The following FAM153A variants were observed in gnomAD, a reference collection of about 807,000 sequenced individuals.
FAM153A encodes the protein protein FAM153A.
FAM153A carries 12 observed loss-of-function variants against 48.1 expected under a neutral mutation model. That is an observed-to-expected ratio of 0.25 (90% CI 0.16 to 0.40). FAM153A has a LOEUF of 0.40. Among genes scored for constraint, FAM153A ranks in the 10% least tolerant of loss-of-function variants. The pLI, the probability that FAM153A is intolerant of heterozygous loss-of-function variation, is 1.00. For missense variants in FAM153A, 111 were observed against 345.8 expected (o/e 0.32, Z 5.38); for synonymous variants, 36 against 118.2 (o/e 0.30, Z 4.51).
At chr5:177,711,626 C>G (rs529096901) in exon 27 of FAM153A, 1 of 151,986 alleles carries the variant, frequency 6.6e-6, no homozygotes, top group African/African-American at 2.4e-5. Flanking sequence ...TGATGTCTTA[C>G]AATTTAAATT....
At chr5:177,738,868 C>T (rs990748123) in intron 10 of FAM153A, among the ~76,000 whole-genome samples, 6 of 151,582 alleles carry the variant, frequency 4.0e-5, no homozygotes, top group Non-Finnish European at 8.8e-5. Flanking sequence ...CATAGACTCT[C>T]TTCTTATACC....
chr5:177,754,859 A>G (rs1371766334), upstream of FAM153A, among the ~76,000 whole-genome samples: 1 of 151,856 alleles, frequency 6.6e-6, no homozygotes, highest in East Asian at 1.9e-4. Flanking sequence ...ATCAAAGACC[A>G]AGGGCAGATA....
intron 17 of FAM153A, 66 bp downstream of exon 19, chr5:177,729,419 T>C: frequency 6.5e-7 from 1 of 1,542,340 alleles, no homozygotes; most frequent in Non-Finnish European, 8.8e-7. Flanking sequence ...TACATCTTAA[T>C]TCAATTGAAA....
At chr5:177,710,826 T>C (rs1758359948), downstream of FAM153A, among the ~76,000 whole-genome samples, 1 of 147,468 alleles carries the variant, frequency 6.8e-6, no homozygotes, top group South Asian at 2.2e-4. Flanking sequence ...TGGCTAACTT[T>C]TTGTATTTTC....
At chr5:177,778,261 T>TAAAAAAAAAAAAAAAA (rs774084490) in intron 1 of FAM153A, among the ~76,000 whole-genome samples, 1 of 20,040 alleles carries the variant, frequency 5.0e-5, no homozygotes, top group Non-Finnish European at 7.5e-5. Flanking sequence ...TAGAGTATAA[T>TAAAAAAAAAAAAAAAA]AAAAAAAAAA....
chr5:177,700,505 T>A, the FAM153A span, among the ~76,000 whole-genome samples: 3 of 151,784 alleles, frequency 2.0e-5, no homozygotes, highest in Admixed American at 2.0e-4. Flanking sequence ...AGGACCAAAA[T>A]ACAAAACTCA....
chr5:177,728,992 C>G, intron 18 of FAM153A, 31 bp downstream of exon 20: 2 of 563,362 alleles, frequency 3.6e-6, no homozygotes, highest in Non-Finnish European at 6.2e-6. Context: ...GATTTCACAC[C>G]TAAACAAAGA....
At chr5:177,755,422 T>C (rs1767626295), upstream of FAM153A, among the ~76,000 whole-genome samples, 2 of 151,932 alleles carry the variant, frequency 1.3e-5, no homozygotes, top group South Asian at 4.2e-4. Context: ...CAGGATATTA[T>C]CCAGGAGAAC....
At chr5:177,704,500 G>A (rs1757702232), downstream of FAM153A, among the ~76,000 whole-genome samples, 1 of 96,140 alleles carries the variant, frequency 1.0e-5, no homozygotes, top group Non-Finnish European at 2.0e-5. Context: ...CATGGTGGGG[G>A]GTGATTGGAC....
chr5:177,716,358 C>T (rs1300811365), exon 25 of FAM153A: 4 of 151,814 alleles, frequency 2.6e-5, no homozygotes, highest in Non-Finnish European at 4.4e-5. Flanking sequence ...TGAAGAATTC[C>T]AATCTTCAAA....
intron 26 of FAM153A, among the ~76,000 whole-genome samples, chr5:177,713,425 T>G (rs1758873758): frequency 6.6e-6 from 1 of 151,396 alleles, no homozygotes. Context: ...TAATTTTTTT[T>G]TTTTTGTATT....
At chr5:177,697,754 A>G in the FAM153A span, among the ~76,000 whole-genome samples, 1 of 151,670 alleles carries the variant, frequency 6.6e-6, no homozygotes. Flanking sequence ...AAATTTATAG[A>G]ATGTACCTTC....
intron 1 of FAM153A, among the ~76,000 whole-genome samples, chr5:177,759,981 C>A (rs1372198639): frequency 1.1e-4 from 15 of 141,754 alleles, no homozygotes; most frequent in African/African-American, 3.1e-4. Context: ...TAAAAAAAAA[C>A]AAAAAAAACT....
chr5:177,712,802 C>T (rs573554217), exon 27 of FAM153A: 4 of 151,808 alleles, frequency 2.6e-5, no homozygotes, highest in South Asian at 2.1e-4. Flanking sequence ...AGATAGAATC[C>T]GGATTGGAAT....
rs1246710994 is a variant in FAM153A at position 177,738,588 on chromosome 5, C to G, written c.562+525G>C. 2.6e-5 allele frequency among the ~76,000 whole-genome samples: 4 copies of G among 151,298 alleles called. 1 individual carries two copies. Among genetic ancestry groups the G allele is most frequent in the African/African-American group, 7.4e-5 (3 of 40,578 alleles). ...TAGCCCATGGCATCAACCTTCCACC[C>G]ACTCCTGAGTTCACCTCTGCCTCTT... On this transcript the variant is annotated intron_variant, in intron 10 of 20. Transcript: ENST00000614127.
At chr5:177,700,697 G>C in the FAM153A span, among the ~76,000 whole-genome samples, 2 of 151,798 alleles carry the variant, frequency 1.3e-5, no homozygotes, top group Admixed American at 1.3e-4. Context: ...AGCTACTCAG[G>C]AGGCTGAGGC....
chr5:177,707,488 TA>T (rs1456884731), downstream of FAM153A, among the ~76,000 whole-genome samples: 1 of 151,810 alleles, frequency 6.6e-6, no homozygotes, highest in African/African-American at 2.4e-5. Flanking sequence ...GTTTTTGAAG[TA>T]AAAAATGCAG....
rs1464393197 is a variant in FAM153A, at chr5:177,738,942, C to A, written c.562+171G>T. On this transcript the variant is annotated intron_variant, in intron 10 of 20. Coordinates refer to ENST00000614127, the Ensembl canonical transcript of FAM153A. Reference sequence around the variant, plus strand: ...ATGACACGGCAGCTAACAGAGACTACGTAGGATGGTCACCACTCGTCAGTA... The same window carrying A: ...ATGACACGGCAGCTAACAGAGACTAAGTAGGATGGTCACCACTCGTCAGTA... 2.7e-5 allele frequency among the ~76,000 whole-genome samples: 4 copies of A among 149,862 alleles called. No homozygotes were observed. The East Asian group carries it at 5.9e-4, about 22-fold the overall frequency.
exon 27 of FAM153A, chr5:177,711,158 G>C (rs1426350250): frequency 2.0e-5 from 3 of 151,916 alleles, no homozygotes; most frequent in African/African-American, 4.9e-5. Context: ...ACAATGGTCT[G>C]AAATTATAAT....
Sources: allele counts gnomAD v4.1 joint callset (sites outside exome capture counted in the v4.1 genomes callset), GRCh38; gene constraint gnomAD v4.1.1; transcripts MANE v1.5; gene names NCBI Gene and HGNC (gene_info 2026-07-23, HGNC 2026-07-21).